The following SVEP1 variants were observed in gnomAD, a reference collection of about 807,000 sequenced individuals.
SVEP1 encodes the protein sushi, von Willebrand factor type A, EGF and pentraxin domain containing 1, also known as sushi, von Willebrand factor type A, EGF and pentraxin domain-containing protein 1.
Under a neutral mutation model 367.3 loss-of-function variants are expected in SVEP1, and 164 were observed. The observed-to-expected ratio is 0.45, with a 90% confidence interval of 0.39 to 0.51. The LOEUF (loss-of-function observed/expected upper bound fraction) is 0.51, where lower values mean the gene tolerates loss of function less well. SVEP1 is among the 20% of genes least tolerant of loss of function. The pLI, the probability that SVEP1 is intolerant of heterozygous loss-of-function variation, is 0.00. For synonymous variants in SVEP1, 1,666 were observed against 1,611.6 expected (o/e 1.03, Z -0.81); for missense variants, 4,117 against 4,425.3 (o/e 0.93, Z 1.98).
chr9:110,559,429 G>C (rs1010904083), intron 1 of SVEP1, among the ~76,000 whole-genome samples: 1 of 151,632 alleles, frequency 6.6e-6, no homozygotes, highest in African/African-American at 2.4e-5. Flanking sequence ...ACAAAACAAA[G>C]ACCAAAAAAA....
chr9:110,478,354 C>T (rs893983643), intron 13 of SVEP1, among the ~76,000 whole-genome samples: 1 of 152,118 alleles, frequency 6.6e-6, no homozygotes, highest in East Asian at 1.9e-4. Flanking sequence ...GGAGTTTTGC[C>T]TGTTTATTCA....
Position 110,482,430 on chromosome 9 carries a change from T to C in SVEP1, c.2101A>G (p.Ile701Val). ...QGDLFPQGET[I>V]VQYTATDPSG... ...GGGTCAGTGGCTGTATACTGTACTA[T>C]AGTCTCCCCTTGAGGGAAAAGGTCT... The change falls in exon 11 of 48, where the codon ATA becomes GTA. Residue 701 changes from isoleucine to valine, a missense_variant. Around this residue, in one of 4 missense-constraint regions of SVEP1, gnomAD observed 2,174 missense variants for 2,494.3 expected, o/e 0.87. Transcript: ENST00000374469. 6.2e-7 allele frequency: 1 copy of C among 1,608,116 alleles called. No homozygotes were observed. Among genetic ancestry groups the C allele is most frequent in the Non-Finnish European group, 8.5e-7 (1 of 1,177,054 alleles).
chr9:110,508,389 A>G (rs1448802175), intron 5 of SVEP1, among the ~76,000 whole-genome samples: 2 of 152,096 alleles, frequency 1.3e-5, no homozygotes, highest in Admixed American at 1.3e-4. Context: ...TAAGGTTCTC[A>G]TTGGTTGAAC....
At chr9:110,399,664 G>T (rs746180159) in intron 40 of SVEP1, among the ~76,000 whole-genome samples, 1 of 151,818 alleles carries the variant, frequency 6.6e-6, no homozygotes, top group Non-Finnish European at 1.5e-5. Context: ...CTCCTGAGTC[G>T]CTGGGACTAC....
chr9:110,546,004 A>T (rs2991363), intron 3 of SVEP1, 111 bp downstream of exon 3: 1,179,244 of 1,312,668 alleles, frequency 0.9, 531,327 homozygotes, highest in Non-Finnish European at 0.91. Context: ...TGTGCCACTG[A>T]CCCCACACAC....
intron 7 of SVEP1, 125 bp from the exon 8 acceptor site, chr9:110,497,058 T>C (rs1313002677): frequency 2.3e-5 from 14 of 603,902 alleles, no homozygotes; most frequent in Non-Finnish European, 3.5e-5. Context: ...AGTTACTGAT[T>C]GTTCGGAATC....
intron 18 of SVEP1, among the ~76,000 whole-genome samples, chr9:110,463,060 C>A (rs1203041864): frequency 2.0e-5 from 3 of 151,978 alleles, no homozygotes; most frequent in Admixed American, 1.3e-4. Context: ...AATTATAGAT[C>A]ATTTTAAATA....
At chr9:110,469,250 G>C in intron 16 of SVEP1, 149 bp from the exon 17 acceptor site, 1 of 705,830 alleles carries the variant, frequency 1.4e-6, no homozygotes, top group Non-Finnish European at 2.2e-6. Context: ...TTATTCACAA[G>C]GTAAACCTTT....
At chr9:110,530,932 A>AT (rs1272610268) in intron 3 of SVEP1, among the ~76,000 whole-genome samples, 2 of 152,118 alleles carry the variant, frequency 1.3e-5, no homozygotes, top group African/African-American at 4.8e-5. Flanking sequence ...TAGAAAATGT[A>AT]TTTTTTTCTT....
At chr9:110,561,314 A>G (rs10980444) in intron 1 of SVEP1, among the ~76,000 whole-genome samples, 16,768 of 152,168 alleles carry the variant, frequency 0.11, 1,126 homozygotes, top group East Asian at 0.31. Flanking sequence ...TATGCATAAA[A>G]TCAGTACCCC....
Position 110,411,647 on chromosome 9 carries a change from C to T in SVEP1, c.6064G>A (p.Asp2022Asn). Residue 2022 changes from aspartate to asparagine, a missense_variant, in exon 37 of 48, where the codon GAT (aspartate) becomes AAT (asparagine). Physicochemically the swap from Asp to Asn is conservative, Grantham distance 23 (BLOSUM62 1). Transcript: ENST00000374469. Reference sequence around the variant, plus strand: ...GCGTGGTCCACAATGGGTGGCTCATCACAGGAGACAGCCAGGCACTGCTGG... The same window carrying T: ...GCGTGGTCCACAATGGGTGGCTCATTACAGGAGACAGCCAGGCACTGCTGG... ...SDQQCLAVSCDEPPIVDHASP... is the reference protein window; with the variant it reads ...SDQQCLAVSCNEPPIVDHASP... The T allele has an allele frequency of 6.2e-7, 1 of 1,610,602 alleles. No individual in the cohort carries two copies. The highest frequency in any genetic ancestry group is 8.5e-7 in the Non-Finnish European group (1 of 1,178,400).
chr9:110,445,788 G>C, intron 26 of SVEP1, 49 bp downstream of exon 26: 1 of 1,597,896 alleles, frequency 6.3e-7, no homozygotes, highest in Non-Finnish European at 8.6e-7. Flanking sequence ...GTTCTAATTC[G>C]GTTCCAAGAT....
chr9:110,539,303 C>A (rs1041492197), intron 3 of SVEP1, among the ~76,000 whole-genome samples: 1 of 152,060 alleles, frequency 6.6e-6, no homozygotes, highest in African/African-American at 2.4e-5. Flanking sequence ...AAATAGCATA[C>A]GAGCTGCAGA....
At chr9:110,399,095 C>A (rs1218201721) in intron 40 of SVEP1, among the ~76,000 whole-genome samples, 1 of 152,106 alleles carries the variant, frequency 6.6e-6, no homozygotes, top group Non-Finnish European at 1.5e-5. Context: ...GGAACCAACC[C>A]AAATGTCCAA....
chr9:110,532,504 A>G (rs952821892), intron 3 of SVEP1, among the ~76,000 whole-genome samples: 2 of 152,208 alleles, frequency 1.3e-5, no homozygotes, highest in Admixed American at 1.3e-4. Flanking sequence ...AAAGGCTTGA[A>G]GTGACTGAGG....
At chr9:110,384,376 G>A (rs1203154312) in intron 43 of SVEP1, among the ~76,000 whole-genome samples, 1 of 151,768 alleles carries the variant, frequency 6.6e-6, no homozygotes, top group African/African-American at 2.4e-5. Flanking sequence ...GTCCCAATGA[G>A]AGAACCTGGA....
chr9:110,460,608 C>G (rs1200551854), intron 18 of SVEP1, among the ~76,000 whole-genome samples: 1 of 152,076 alleles, frequency 6.6e-6, no homozygotes, highest in Non-Finnish European at 1.5e-5. Context: ...CAAAAATTAG[C>G]CAGTGTGGTG....
At position 110,379,438 on chromosome 9, in the gene SVEP1, G is replaced by C; in HGVS notation, c.10317C>G (p.Thr3439=). ...ACATGTATCCACTGTAACATGAGTA[G>C]GTGATCATGTCTCCATATTGATAAT... The part of the protein sequence containing the change: ...GVHYQYGDMI[T]YSCYSGYMLE... Residue 3439 remains threonine, a synonymous_variant, in exon 44 of 48, where the codon ACC becomes ACG. Transcript: ENST00000374469. 6.2e-7 allele frequency: 1 copy of C among 1,613,692 alleles called. No individual in the cohort carries two copies. Among genetic ancestry groups the C allele is most frequent in the Non-Finnish European group, 8.5e-7 (1 of 1,179,726 alleles).
intron 1 of SVEP1, among the ~76,000 whole-genome samples, chr9:110,567,594 A>T (rs1042412636): frequency 1.3e-5 from 2 of 152,208 alleles, no homozygotes; most frequent in East Asian, 3.8e-4. Context: ...ACATTTTCTC[A>T]GATCCCACTT....
Sources: gnomAD v4.1 joint callset for allele counts (sites outside exome capture counted in the v4.1 genomes callset) on GRCh38, gnomAD v4.1.1 for gene constraint, gnomAD v4.1.1 regional missense constraint, MANE v1.5 for transcripts, NCBI Gene and HGNC (gene_info 2026-07-23, HGNC 2026-07-21) for gene names.